Variants in ANK2 observed in about 807,000 individuals in gnomAD.
ANK2 encodes ankyrin-2.
ANK2 carries 83 observed loss-of-function variants against 360.5 expected under a neutral mutation model. The observed-to-expected ratio is 0.23, with a 90% CI of 0.19 to 0.28. The LOEUF (loss-of-function observed/expected upper bound fraction) is 0.28. Ranked by LOEUF, ANK2 falls within the 10% of genes least tolerant of loss-of-function variation. The pLI, the probability that ANK2 is intolerant of heterozygous loss-of-function variation, is 1.00. For synonymous variants in ANK2, 1,740 were observed against 1,759.5 expected, an observed-to-expected ratio of 0.99 and a Z score of 0.28; for missense variants, 4,201 against 4,795.7, an observed-to-expected ratio of 0.88 and a Z score of 3.66.
intron 1 of ANK2, among the ~76,000 whole-genome samples, chr4:113,056,694 A>G (rs1190513150): frequency 6.6e-6 from 1 of 152,180 alleles, no homozygotes; most frequent in East Asian, 1.9e-4. Context: ...AATAAATATG[A>G]TAGAGTATTT....
the ANK2 span, chr4:112,788,058 G>T: frequency 1.1e-5 from 13 of 1,170,102 alleles, no homozygotes; most frequent in Non-Finnish European, 1.6e-5. Flanking sequence ...TTATTTTTAT[G>T]TACAGAAAAC....
At chr4:112,945,094 A>G (rs1016845710) in intron 2 of ANK2, among the ~76,000 whole-genome samples, 1 of 152,208 alleles carries the variant, frequency 6.6e-6, no homozygotes, top group Admixed American at 6.5e-5. Flanking sequence ...TACCACATGT[A>G]TCTTGGGTTG....
At chr4:112,798,431 G>A in the ANK2 span, 1 of 152,150 alleles carries the variant, frequency 6.6e-6, no homozygotes, top group Non-Finnish European at 1.5e-5. Flanking sequence ...GGAATAACAG[G>A]CATGCACCAC....
At chr4:113,352,667 G>C (rs1232048480) in intron 37 of ANK2, among the ~76,000 whole-genome samples, 1 of 147,092 alleles carries the variant, frequency 6.8e-6, no homozygotes, top group East Asian at 2.0e-4. Flanking sequence ...TTTCAACATT[G>C]ATCTGTAACA....
intron 4 of ANK2, among the ~76,000 whole-genome samples, chr4:113,217,773 G>A (rs1023889551): frequency 6.6e-6 from 1 of 152,168 alleles, no homozygotes; most frequent in Non-Finnish European, 1.5e-5. Context: ...TTCATGGCCT[G>A]GGGGATGGGG....
chr4:112,959,054 T>G (rs548035996), intron 2 of ANK2, among the ~76,000 whole-genome samples: 1 of 152,120 alleles, frequency 6.6e-6, no homozygotes, highest in South Asian at 2.1e-4. Context: ...TTCACCATGT[T>G]GGCCAGGCTG....
rs180974363 is a variant in ANK2, at chr4:113,088,593, T to G, written c.84+38781T>G. Reference sequence around the variant, plus strand: ...CTGAGAATATTAATTTTTTTGTTTTTTTTTTCTTTTACAAAATGTTATTTA... The same window carrying G: ...CTGAGAATATTAATTTTTTTGTTTTGTTTTTCTTTTACAAAATGTTATTTA... On this transcript the variant is annotated intron_variant, in intron 1 of 45. Coordinates refer to ENST00000357077, the MANE Select transcript of ANK2 (RefSeq NM_001148.6). Among the ~76,000 whole-genome samples, 12 of 152,296 alleles carry G rather than the reference T, an allele frequency of 7.9e-5. No individual in the cohort carries two copies. In the East Asian group the frequency reaches 1.7e-3, roughly 22 times the overall value.
At chr4:112,765,308 T>C in the ANK2 span, among the ~76,000 whole-genome samples, 4 of 152,224 alleles carry the variant, frequency 2.6e-5, no homozygotes, top group Non-Finnish European at 5.9e-5. Flanking sequence ...AGTCCACACA[T>C]TGCTTTTGGT....
intron 1 of ANK2, among the ~76,000 whole-genome samples, chr4:113,166,464 C>T (rs1043393998): frequency 6.6e-6 from 1 of 151,888 alleles, no homozygotes; most frequent in South Asian, 2.1e-4. Flanking sequence ...TATATGCATA[C>T]ATACATAAGC....
intron 2 of ANK2, among the ~76,000 whole-genome samples, chr4:112,953,953 GTCTT>G (rs1420421164): frequency 1.3e-5 from 2 of 149,754 alleles, no homozygotes; most frequent in South Asian, 2.1e-4. Flanking sequence ...CCCCGCCCCC[GTCTT>G]TCTTTCTTAT....
chr4:112,955,154 T>C (rs1307733475), intron 2 of ANK2, among the ~76,000 whole-genome samples: 1 of 152,128 alleles, frequency 6.6e-6, no homozygotes, highest in Non-Finnish European at 1.5e-5. Context: ...GCTTAAACTA[T>C]TTGTGGAAGA....
At chr4:112,974,224 G>T (rs994018584) in intron 2 of ANK2, among the ~76,000 whole-genome samples, 12 of 152,168 alleles carry the variant, frequency 7.9e-5, no homozygotes, top group African/African-American at 2.9e-4. Flanking sequence ...ATCCACCCAT[G>T]CACTGTTAAA....
intron 1 of ANK2, chr4:113,160,452 A>C (rs1359819426): frequency 3.8e-6 from 1 of 266,280 alleles, no homozygotes; most frequent in Admixed American, 5.4e-5. Flanking sequence ...TTTGCTAATC[A>C]AGGTTTGAAA....
At chr4:113,362,737 T>A (rs546811508) in intron 39 of ANK2, among the ~76,000 whole-genome samples, 43 of 152,312 alleles carry the variant, frequency 2.8e-4, no homozygotes, top group Non-Finnish European at 4.9e-4. Flanking sequence ...AGGCATGAGC[T>A]ACTGGGCCCA....
At chr4:112,871,337 C>T (rs1035631942) in intron 1 of ANK2, among the ~76,000 whole-genome samples, 1 of 152,220 alleles carries the variant, frequency 6.6e-6, no homozygotes, top group Middle Eastern at 3.4e-3. Context: ...AGGCGCACGC[C>T]GCTATGCCCA....
chr4:113,043,838 G>C (rs1301492698), intron 2 of ANK2, among the ~76,000 whole-genome samples: 2 of 152,114 alleles, frequency 1.3e-5, no homozygotes, highest in African/African-American at 4.8e-5. Flanking sequence ...TTGAGGAAGA[G>C]AGGCAGGAGG....
rs2154065885 is a variant in ANK2, at chr4:113,369,544, G to A, written c.11349G>A (p.Glu3783=). Residue 3783 remains glutamate, a synonymous_variant, in exon 43 of 46, where the codon GAG becomes GAA. Coordinates refer to ENST00000357077, the MANE Select transcript of ANK2 (RefSeq NM_001148.6). The part of the protein sequence containing the change: ...FVTTPGTETS[E]TQKAMIVPSS... ...CAACTCCAGGAACAGAAACATCAGA[G>A]ACTCAGAAGGCTATGATAGTACCCA... 1 of 1,614,072 alleles carries A rather than the reference G, an allele frequency of 6.2e-7. No homozygotes were observed. Among genetic ancestry groups the A allele is most frequent in the Non-Finnish European group, 8.5e-7 (1 of 1,180,022 alleles).
chr4:112,935,701 G>A (rs2093664644), intron 2 of ANK2, among the ~76,000 whole-genome samples: 1 of 152,030 alleles, frequency 6.6e-6, no homozygotes, highest in Admixed American at 6.6e-5. Flanking sequence ...AATTAGTTGG[G>A]TGTGGTGGCG....
At chr4:113,027,903 G>GT (rs2059615182) in intron 2 of ANK2, among the ~76,000 whole-genome samples, 1 of 152,066 alleles carries the variant, frequency 6.6e-6, no homozygotes. Flanking sequence ...ATCAGGTTAT[G>GT]TAACATGGTG....
Sources: gnomAD v4.1 joint callset for allele counts (sites outside exome capture counted in the v4.1 genomes callset) on GRCh38, gnomAD v4.1.1 for gene constraint, MANE v1.5 for transcripts, NCBI Gene and HGNC (gene_info 2026-07-23, HGNC 2026-07-21) for gene names.